DPP6: variants seen among roughly 807,000 people sequenced by gnomAD.
DPP6 encodes A-type potassium channel modulatory protein DPP6.
A neutral mutation model predicts 122.6 loss-of-function variants in DPP6; 69 were observed. That is an observed-to-expected ratio of 0.56 (90% CI 0.46 to 0.69). The LOEUF is 0.69. DPP6 is among the 30% of genes least tolerant of loss of function. The probability of loss-of-function intolerance (pLI) is 0.00; values close to 1 mark genes in which losing one functional copy is unlikely to be tolerated. For missense variants in DPP6, 928 were observed against 1,116.9 expected (o/e 0.83, Z 2.41); for synonymous variants, 418 against 433.1 (o/e 0.97, Z 0.43).
At chr7:154,737,039 G>A (rs1347203084) in intron 8 of DPP6, among the ~76,000 whole-genome samples, 7 of 152,184 alleles carry the variant, frequency 4.6e-5, no homozygotes, top group Non-Finnish European at 1.0e-4. Context: ...GAAGGACATG[G>A]TCTTCTTACC....
intron 1 of DPP6, among the ~76,000 whole-genome samples, chr7:154,216,200 A>G (rs1017869110): frequency 2.0e-5 from 3 of 152,184 alleles, no homozygotes; most frequent in Non-Finnish European, 4.4e-5. Flanking sequence ...AGGAGACCAC[A>G]ACAAATACAA....
intron 1 of DPP6, among the ~76,000 whole-genome samples, chr7:154,054,567 C>T (rs867449290): frequency 6.6e-6 from 1 of 152,130 alleles, no homozygotes; most frequent in African/African-American, 2.4e-5. Flanking sequence ...CCAGACTCCC[C>T]TGGTTAAATA....
rs115285306 is a variant in DPP6, at chr7:154,377,735, C to T, written c.244-68479C>T. On this transcript the variant is annotated intron_variant, in intron 1 of 25. Transcript: ENST00000377770. ...CTGAGGCCTCCCCAGCCGTGTGAAA[C>T]GTGAGTTAATAAAATCTCTTCTCTT... 3.4e-3 allele frequency among the ~76,000 whole-genome samples: 512 copies of T among 152,284 alleles called. 4 individuals carry two copies. Among genetic ancestry groups the T allele is most frequent in the African/African-American group, 0.012 (478 of 41,550 alleles).
At chr7:154,754,212 A>G (rs182923573) in intron 8 of DPP6, among the ~76,000 whole-genome samples, 12 of 152,370 alleles carry the variant, frequency 7.9e-5, no homozygotes, top group African/African-American at 2.6e-4. Flanking sequence ...GGCTTTCTGC[A>G]GCGCATCATA....
chr7:153,901,727 C>T (rs1422940168), intron 1 of DPP6, among the ~76,000 whole-genome samples: 1 of 152,194 alleles, frequency 6.6e-6, no homozygotes, highest in Non-Finnish European at 1.5e-5. Flanking sequence ...GGGAATTCTG[C>T]AAAGCAGAAA....
chr7:154,375,423 C>T (rs1813048541), intron 1 of DPP6, among the ~76,000 whole-genome samples: 1 of 152,102 alleles, frequency 6.6e-6, no homozygotes, highest in African/African-American at 2.4e-5. Flanking sequence ...TTATTCACTA[C>T]GGTTTTAGTA....
intron 1 of DPP6, among the ~76,000 whole-genome samples, chr7:153,980,178 CT>C (rs1204375184): frequency 1.3e-5 from 2 of 151,734 alleles, no homozygotes; most frequent in East Asian, 1.9e-4. Flanking sequence ...TGGTCCTGGG[CT>C]TTTTTTTGGT....
At chr7:153,984,053 AACACACACACACACACACACACACAC>A (rs528640069) in intron 1 of DPP6, among the ~76,000 whole-genome samples, 10 of 131,922 alleles carry the variant, frequency 7.6e-5, no homozygotes, top group Non-Finnish European at 9.8e-5. Flanking sequence ...TTCTGTCCAT[AACACACACACACACACACACACACAC>A]ACACACACAC....
chr7:154,696,236 C>G (rs1840211475), intron 7 of DPP6, among the ~76,000 whole-genome samples: 1 of 152,200 alleles, frequency 6.6e-6, no homozygotes, highest in Admixed American at 6.5e-5. Flanking sequence ...GGGGCACAGC[C>G]ACCCGGGCCC....
At chr7:153,767,413 A>G in the DPP6 span, among the ~76,000 whole-genome samples, 1 of 152,096 alleles carries the variant, frequency 6.6e-6, no homozygotes, top group East Asian at 1.9e-4. Flanking sequence ...TGTCGCTCAG[A>G]CTGGAGTACA....
chr7:154,537,431 C>T lies in DPP6; in HGVS notation c.458-3101C>T, dbSNP rs182846629. ...AGAGAGGATGTGAGTTATGAGATCTCATTCACTATTGGTGCCTGTTAAAGT... is the reference window on the plus strand; with the variant it reads ...AGAGAGGATGTGAGTTATGAGATCTTATTCACTATTGGTGCCTGTTAAAGT... On this transcript the variant is annotated intron_variant, in intron 3 of 25. Coordinates refer to ENST00000377770, the MANE Select transcript of DPP6 (RefSeq NM_130797.4). Among the ~76,000 whole-genome samples the T allele has an allele frequency of 2.7e-3, 407 of 152,290 alleles. 1 individual carries two copies. The highest frequency in any genetic ancestry group is 9.1e-3 in the African/African-American group (380 of 41,552).
At chr7:154,178,727 G>A (rs1046819463) in intron 1 of DPP6, among the ~76,000 whole-genome samples, 1 of 152,210 alleles carries the variant, frequency 6.6e-6, no homozygotes, top group African/African-American at 2.4e-5. Context: ...GCTCAGAGAT[G>A]ATCCTGCCTC....
chr7:154,749,484 G>C (rs374499470), intron 8 of DPP6, among the ~76,000 whole-genome samples: 11 of 119,774 alleles, frequency 9.2e-5, no homozygotes, highest in African/African-American at 3.7e-4. Flanking sequence ...AGCATAGGAC[G>C]GGAGAGAGAG....
chr7:154,597,500 C>A (rs933249843), intron 5 of DPP6, among the ~76,000 whole-genome samples: 21 of 151,920 alleles, frequency 1.4e-4, no homozygotes, highest in African/African-American at 4.8e-4. Flanking sequence ...GTAGTCCCAG[C>A]TACTCAGGAG....
intron 1 of DPP6, among the ~76,000 whole-genome samples, chr7:153,936,469 C>A (rs528955542): frequency 3.3e-5 from 5 of 152,070 alleles, no homozygotes; most frequent in Non-Finnish European, 7.4e-5. Context: ...TTCCCATCTT[C>A]CCGCACGTAG....
At chr7:153,951,437 G>A (rs564053981) in intron 1 of DPP6, among the ~76,000 whole-genome samples, 11 of 152,240 alleles carry the variant, frequency 7.2e-5, no homozygotes, top group Non-Finnish European at 1.3e-4. Flanking sequence ...GCAAGGAAAC[G>A]CTACGAGACT....
At chr7:154,371,004 G>T (rs1294724806) in intron 1 of DPP6, among the ~76,000 whole-genome samples, 1 of 152,120 alleles carries the variant, frequency 6.6e-6, no homozygotes, top group African/African-American at 2.4e-5. Context: ...GGAACCCTCT[G>T]TTTGATTCAA....
At chr7:154,567,400 C>T (rs948680167) in intron 5 of DPP6, among the ~76,000 whole-genome samples, 1 of 152,104 alleles carries the variant, frequency 6.6e-6, no homozygotes, top group African/African-American at 2.4e-5. Context: ...ATATATGAGC[C>T]TCCCATAAAA....
intron 1 of DPP6, among the ~76,000 whole-genome samples, chr7:153,978,398 G>C (rs1248002852): frequency 2.0e-5 from 3 of 151,930 alleles, no homozygotes; most frequent in African/African-American, 7.3e-5. Context: ...TTTTGATGGG[G>C]TTGTTTTTTT....
Sources: allele counts gnomAD v4.1 joint callset (sites outside exome capture counted in the v4.1 genomes callset), GRCh38; gene constraint gnomAD v4.1.1; transcripts MANE v1.5; gene names NCBI Gene and HGNC (gene_info 2026-07-23, HGNC 2026-07-21).